The following JMJD1C variants were observed in gnomAD, a reference collection of about 807,000 sequenced individuals.
The protein encoded by JMJD1C is jumonji domain-containing protein 1C.
JMJD1C carries 31 observed loss-of-function variants against 245.3 expected under a neutral mutation model. The observed-to-expected ratio is 0.13, with a 90% CI of 0.09 to 0.17. The LOEUF is 0.17. Among genes scored for constraint, JMJD1C ranks in the 10% least tolerant of loss-of-function variants. The pLI is 1.00. For synonymous variants in JMJD1C, 1,057 were observed against 1,017.4 expected (o/e 1.04, Z -0.74); for missense variants, 2,691 against 3,000.2 (o/e 0.90, Z 2.41).
intron 2 of JMJD1C, among the ~76,000 whole-genome samples, chr10:63,281,972 G>A (rs1280478144): frequency 3.9e-5 from 6 of 152,242 alleles, no homozygotes; most frequent in African/African-American, 7.2e-5. Context: ...CAAGGAGTAG[G>A]ACATATACGT....
At chr10:63,168,299 A>T in intron 25 of JMJD1C, 136 bp downstream of exon 25, 1 of 1,011,396 alleles carries the variant, frequency 9.9e-7, no homozygotes, top group Non-Finnish European at 1.5e-6. Context: ...ATACAATTAA[A>T]TACATGTTGG....
At chr10:63,345,196 GAAC>G (rs1943703888) in intron 2 of JMJD1C, among the ~76,000 whole-genome samples, 1 of 152,110 alleles carries the variant, frequency 6.6e-6, no homozygotes, top group South Asian at 2.1e-4. Context: ...TTAATAAAAG[GAAC>G]AAACTGGCTG....
intron 2 of JMJD1C, among the ~76,000 whole-genome samples, chr10:63,295,217 C>T (rs1410077210): frequency 6.6e-6 from 1 of 151,858 alleles, no homozygotes; most frequent in Non-Finnish European, 1.5e-5. Context: ...CCTTAGCCTC[C>T]CTGAGTATCT....
At chr10:63,347,322 G>A (rs1269043099) in intron 2 of JMJD1C, among the ~76,000 whole-genome samples, 2 of 151,996 alleles carry the variant, frequency 1.3e-5, no homozygotes, top group African/African-American at 2.4e-5. Flanking sequence ...GGTGGCTCAC[G>A]CCTGTAATCC....
intron 1 of JMJD1C, among the ~76,000 whole-genome samples, chr10:63,443,803 T>G (rs1041149969): frequency 5.3e-5 from 8 of 152,200 alleles, no homozygotes; most frequent in African/African-American, 1.9e-4. Context: ...TACCCTGAAG[T>G]TATCTAGAAG....
intron 1 of JMJD1C, among the ~76,000 whole-genome samples, chr10:63,506,654 GA>G (rs1033941302): frequency 6.6e-6 from 1 of 151,956 alleles, no homozygotes; most frequent in African/African-American, 2.4e-5. Context: ...AAACTGAGTG[GA>G]AAGTACAGAG....
chr10:63,434,867 A>AT lies in JMJD1C; in HGVS notation c.168+30627dup, dbSNP rs1950976332. On this transcript the variant is annotated intron_variant, in intron 1 of 25. Coordinates refer to ENST00000399262, the MANE Select transcript of JMJD1C (RefSeq NM_032776.3). ...GTTCCTGTTCCCAACAGTTGGAGTG[A>AT]TTAACTTCGTAATTTACAGGGCACT... is the stretch of plus-strand genomic sequence containing the variant. Among the ~76,000 whole-genome samples the AT allele has an allele frequency of 2.0e-5, 3 of 152,368 alleles. No homozygotes were observed. The South Asian group carries it at 6.2e-4, about 32-fold the overall frequency.
chr10:63,514,133 G>C (rs1359553355), intron 1 of JMJD1C, among the ~76,000 whole-genome samples: 1 of 152,098 alleles, frequency 6.6e-6, no homozygotes, highest in Non-Finnish European at 1.5e-5. Flanking sequence ...AAAAACAACA[G>C]ATGTTGGCAA....
intron 3 of JMJD1C, among the ~76,000 whole-genome samples, chr10:63,223,728 TC>T: frequency 6.6e-6 from 1 of 152,116 alleles, no homozygotes; most frequent in Non-Finnish European, 1.5e-5. Context: ...ATAATCTATT[TC>T]TTCAACATTT....
intron 1 of JMJD1C, among the ~76,000 whole-genome samples, chr10:63,439,399 T>C (rs1951236559): frequency 6.6e-6 from 1 of 152,158 alleles, no homozygotes; most frequent in Non-Finnish European, 1.5e-5. Flanking sequence ...AATTACAACA[T>C]TTAATATTAC....
At chr10:63,275,865 C>T (rs908432198) in intron 2 of JMJD1C, among the ~76,000 whole-genome samples, 2 of 152,090 alleles carry the variant, frequency 1.3e-5, no homozygotes, top group African/African-American at 4.8e-5. Flanking sequence ...TCAGGATACA[C>T]GCAAATTTTA....
intron 3 of JMJD1C, among the ~76,000 whole-genome samples, chr10:63,223,314 G>A (rs1159052991): frequency 3.5e-5 from 5 of 144,628 alleles, no homozygotes; most frequent in Non-Finnish European, 7.5e-5. Context: ...TGGAATCTTC[G>A]CCTCCCAAGT....
intron 1 of JMJD1C, among the ~76,000 whole-genome samples, chr10:63,494,727 G>A (rs1164375144): frequency 6.6e-6 from 1 of 152,214 alleles, no homozygotes; most frequent in Non-Finnish European, 1.5e-5. Flanking sequence ...TATTGTTATT[G>A]TATTATTACT....
intron 3 of JMJD1C, chr10:63,222,616 T>C: frequency 6.3e-6 from 10 of 1,592,750 alleles, no homozygotes; most frequent in Non-Finnish European, 8.6e-6. Flanking sequence ...GAAACTCACA[T>C]GCTGAATTTT....
intron 1 of JMJD1C, among the ~76,000 whole-genome samples, chr10:63,454,481 T>C (rs1282305173): frequency 1.3e-5 from 2 of 151,924 alleles, no homozygotes; most frequent in South Asian, 2.1e-4. Flanking sequence ...TGGAGTGTAG[T>C]GGTACGATCT....
intron 1 of JMJD1C, among the ~76,000 whole-genome samples, chr10:63,386,395 A>C (rs1947592279): frequency 6.6e-6 from 1 of 152,130 alleles, no homozygotes; most frequent in African/African-American, 2.4e-5. Context: ...TGGAGCCCTC[A>C]CCTGACCATT....
intron 2 of JMJD1C, among the ~76,000 whole-genome samples, chr10:63,341,750 CTTCA>C (rs1943398516): frequency 6.6e-6 from 1 of 152,142 alleles, no homozygotes; most frequent in Non-Finnish European, 1.5e-5. Flanking sequence ...CCAAATGTGA[CTTCA>C]TTAATTCAGC....
chr10:63,486,137 T>TA lies in JMJD1C; in HGVS notation n.113+35600dup, dbSNP rs1166721473. On this transcript the variant is annotated intron_variant and non_coding_transcript_variant, in intron 1 of 3. Transcript: ENST00000633035. ...GAAAGTAAAGGGCTTCAAGCAATTG[T>TA]AAAAAAAAAAAAAAAAAAAAAAAAA... Among the ~76,000 whole-genome samples the TA allele has an allele frequency of 6.0e-3, 439 of 73,262 alleles. 24 individuals are homozygous for TA. The highest frequency in any genetic ancestry group is 0.033 in the African/African-American group (407 of 12,298). 48.1% of individuals were successfully genotyped at this position (73,262 alleles called of 152,430 possible). A position where few individuals can be genotyped will look rare whatever the true frequency, so the allele number is the denominator to read the frequency against.
rs1016679204 is a variant in JMJD1C at position 63,208,497 on chromosome 10, T to C, written c.3172A>G (p.Ser1058Gly). 3 of 1,613,982 alleles carry C rather than the reference T, an allele frequency of 1.9e-6. No individual in the cohort carries two copies. Among genetic ancestry groups the C allele is most frequent in the Non-Finnish European group, 2.5e-6 (3 of 1,179,982 alleles). ...TGTTTGATGATATGGCTTTTAGGAC[T>C]GGAAGATGATGATGCCACTCTGGAA... ...NYSRVASSSS[S>G]PKSHIIKQDM... is the part of the protein sequence containing the mutation. Residue 1058 changes from serine to glycine, a missense_variant, in exon 10 of 26, where the codon AGT becomes GGT. Ser to Gly is a moderately conservative substitution (Grantham distance 56). Around this residue, in one of 9 missense-constraint regions of JMJD1C, gnomAD observed 1,562 missense variants for 1,490.7 expected, o/e 1.05. Transcript: ENST00000399262.
Sources: allele counts gnomAD v4.1 joint callset (sites outside exome capture counted in the v4.1 genomes callset), GRCh38; gene constraint gnomAD v4.1.1; regional missense constraint gnomAD v4.1.1; transcripts MANE v1.5; gene names NCBI Gene and HGNC (gene_info 2026-07-23, HGNC 2026-07-21).